The following GRIK1 variants were observed in gnomAD, a reference collection of about 807,000 sequenced individuals.
GRIK1 encodes the protein glutamate ionotropic receptor kainate type subunit 1, also known as glutamate receptor ionotropic, kainate 1.
In GRIK1, 69 loss-of-function variants were observed where a neutral mutation model predicts 105.7. The ratio of observed to expected loss-of-function variants is 0.65; its 90% CI spans 0.54 to 0.80. The LOEUF (loss-of-function observed/expected upper bound fraction) is 0.80, where lower values mean the gene tolerates loss of function less well. Among genes scored for constraint, GRIK1 ranks in the 30% least tolerant of loss-of-function variants. GRIK1 has a pLI of 0.00. For synonymous variants in GRIK1, 438 were observed against 431.3 expected, an observed-to-expected ratio of 1.02 and a Z score of -0.19; for missense variants, 1,109 against 1,167.3, an observed-to-expected ratio of 0.95 and a Z score of 0.73.
intron 7 of GRIK1, among the ~76,000 whole-genome samples, chr21:29,627,331 A>G (rs1183968004): frequency 6.6e-6 from 1 of 152,214 alleles, no homozygotes; most frequent in Non-Finnish European, 1.5e-5. Flanking sequence ...GGAAGGCATA[A>G]TTGAATAAAG....
intron 1 of GRIK1, among the ~76,000 whole-genome samples, chr21:29,863,322 C>A (rs1318470529): frequency 1.3e-5 from 2 of 152,088 alleles, no homozygotes; most frequent in African/African-American, 4.8e-5. Flanking sequence ...AACAGCACCC[C>A]AAAACTTTTT....
At chr21:29,598,669 A>T in intron 8 of GRIK1, 161 bp downstream of exon 8, 3 of 527,906 alleles carry the variant, frequency 5.7e-6, no homozygotes, top group Non-Finnish European at 6.6e-6. Context: ...TAGCACATCA[A>T]CTTCTATCTG....
chr21:29,746,128 G>A (rs751148868), intron 1 of GRIK1, among the ~76,000 whole-genome samples: 4 of 151,902 alleles, frequency 2.6e-5, no homozygotes, highest in African/African-American at 4.8e-5. Context: ...AATAAAAATC[G>A]AGAAAAGAGA....
At chr21:29,544,883 A>T (rs908362655) in intron 16 of GRIK1, among the ~76,000 whole-genome samples, 1 of 152,196 alleles carries the variant, frequency 6.6e-6, no homozygotes, top group Non-Finnish European at 1.5e-5. Context: ...GCCAAGGGAG[A>T]TCTGAGGAGG....
intron 3 of GRIK1, among the ~76,000 whole-genome samples, chr21:29,675,480 C>A (rs2063248461): frequency 6.6e-6 from 1 of 152,076 alleles, no homozygotes; most frequent in African/African-American, 2.4e-5. Context: ...GAACTGCTCT[C>A]TTTTTCTGTG....
At chr21:29,541,575 C>CTTTTTTTTT (rs34910439) in intron 16 of GRIK1, among the ~76,000 whole-genome samples, 1,511 of 95,686 alleles carry the variant, frequency 0.016, 114 homozygotes, top group East Asian at 0.043. Context: ...CACTCACGGT[C>CTTTTTTTTT]TTTTTTTTTT....
chr21:29,572,645 T>C (rs185970093), intron 14 of GRIK1, among the ~76,000 whole-genome samples: 1 of 152,378 alleles, frequency 6.6e-6, no homozygotes, highest in Admixed American at 6.5e-5. Context: ...ACTCTCTGAA[T>C]TTTGCTGAAT....
chr21:29,795,531 A>G lies in GRIK1; in HGVS notation c.119-101468T>C, dbSNP rs920695334. Among the ~76,000 whole-genome samples the G allele has an allele frequency of 2.6e-5, 4 of 152,134 alleles. No homozygotes were observed. In the East Asian group the frequency reaches 7.7e-4, roughly 29 times the overall value. Reference sequence around the variant, plus strand: ...TCAAGTATTCTCATTTTCTCCACACATTAGACCAATATTATTACTCCTTTC... The same window carrying G: ...TCAAGTATTCTCATTTTCTCCACACGTTAGACCAATATTATTACTCCTTTC... On this transcript the variant is annotated intron_variant, in intron 1 of 17. Coordinates refer to ENST00000327783, the MANE Select transcript of GRIK1 (RefSeq NM_001330994.2).
intron 1 of GRIK1, among the ~76,000 whole-genome samples, chr21:29,854,251 C>G (rs771358086): frequency 6.6e-5 from 10 of 152,054 alleles, no homozygotes; most frequent in Non-Finnish European, 1.3e-4. Flanking sequence ...AACCAGCTCT[C>G]ACATAAACTA....
chr21:29,841,985 T>A (rs1239054374), intron 1 of GRIK1, among the ~76,000 whole-genome samples: 1 of 152,196 alleles, frequency 6.6e-6, no homozygotes, highest in African/African-American at 2.4e-5. Flanking sequence ...CTGTCTTGTA[T>A]GATCAAATGT....
At chr21:29,807,105 T>C (rs1186643792) in intron 1 of GRIK1, among the ~76,000 whole-genome samples, 1 of 152,166 alleles carries the variant, frequency 6.6e-6, no homozygotes, top group African/African-American at 2.4e-5. Context: ...AGCAGAACAG[T>C]GTGTTCACAA....
intron 1 of GRIK1, among the ~76,000 whole-genome samples, chr21:29,724,236 T>G (rs2064395164): frequency 6.6e-6 from 1 of 152,206 alleles, no homozygotes; most frequent in Admixed American, 6.5e-5. Context: ...ATTTTGCAAC[T>G]GATTCATTTT....
At chr21:29,662,160 A>G (rs1386880235) in intron 4 of GRIK1, among the ~76,000 whole-genome samples, 3 of 152,236 alleles carry the variant, frequency 2.0e-5, no homozygotes, top group African/African-American at 4.8e-5. Context: ...AGATATTAAT[A>G]AAAGGAGTGC....
rs772518630 is a variant in GRIK1 at position 29,673,085 on chromosome 21, C to T, written c.624G>A (p.Gly208=). 3.1e-6 allele frequency: 5 copies of T among 1,611,810 alleles called. No homozygotes were observed. The highest frequency in any genetic ancestry group is 4.2e-6 in the Non-Finnish European group (5 of 1,177,942). ...TGAGTAAAGGCTTGGCATCTTTATT[C>T]CCAGAGGGCAGCTGGCGGATTTTGA... The part of the protein sequence containing the change: ...IKIKIRQLPS[G]NKDAKPLLKE... Residue 208 remains glycine (G), a synonymous_variant, in exon 4 of 18, where the codon GGG becomes GGA. Coordinates refer to ENST00000327783, the MANE Select transcript of GRIK1 (RefSeq NM_001330994.2).
chr21:29,601,321 C>T (rs1477808440), intron 7 of GRIK1: 3 of 428,674 alleles, frequency 7.0e-6, no homozygotes, highest in South Asian at 3.3e-5. Flanking sequence ...ACTAGACTTA[C>T]ACCAGCCAGC....
chr21:29,676,965 C>T (rs527446929), intron 3 of GRIK1, among the ~76,000 whole-genome samples: 10 of 152,046 alleles, frequency 6.6e-5, no homozygotes, highest in South Asian at 4.1e-4. Flanking sequence ...AACATTATTA[C>T]GTTATTGCTA....
intron 1 of GRIK1, among the ~76,000 whole-genome samples, chr21:29,909,089 C>A (rs2070733197): frequency 2.0e-5 from 3 of 151,918 alleles, no homozygotes; most frequent in Non-Finnish European, 4.4e-5. Context: ...ACATTGTATG[C>A]CCATTTTCAA....
chr21:29,745,463 C>A (rs1275941797), intron 1 of GRIK1, among the ~76,000 whole-genome samples: 1 of 152,142 alleles, frequency 6.6e-6, no homozygotes, highest in African/African-American at 2.4e-5. Context: ...GGAGAAAAGG[C>A]AGATAACTTT....
intron 1 of GRIK1, among the ~76,000 whole-genome samples, chr21:29,828,382 C>T (rs1409771942): frequency 6.6e-6 from 1 of 152,016 alleles, no homozygotes; most frequent in East Asian, 1.9e-4. Context: ...TTACATGTTG[C>T]TAAATGAAAT....
Sources: allele counts gnomAD v4.1 joint callset (sites outside exome capture counted in the v4.1 genomes callset), GRCh38; gene constraint gnomAD v4.1.1; transcripts MANE v1.5; gene names NCBI Gene and HGNC (gene_info 2026-07-23, HGNC 2026-07-21).